The following ATXN7 variants were observed in gnomAD, a reference collection of about 807,000 sequenced individuals.
ATXN7 encodes the protein ataxin 7.
A neutral mutation model predicts 70.5 loss-of-function variants in ATXN7; 12 were observed. The ratio of observed to expected loss-of-function variants is 0.17; its 90% CI spans 0.11 to 0.28. ATXN7 has a LOEUF of 0.28. ATXN7 is among the 10% of genes least tolerant of loss of function. The pLI is 1.00. For synonymous variants in ATXN7, 498 were observed against 448.7 expected (o/e 1.11, Z -1.39); for missense variants, 1,256 against 1,131.7 (o/e 1.11, Z -1.58).
intron 2 of ATXN7, among the ~76,000 whole-genome samples, chr3:63,907,689 C>G (rs1258913660): frequency 6.6e-6 from 1 of 151,300 alleles, no homozygotes; most frequent in Non-Finnish European, 1.5e-5. Context: ...GTCTCCAACA[C>G]CTGAGCCTTG....
At chr3:63,979,820 T>C in intron 5 of ATXN7, 95 bp from the exon 6 acceptor site, 1 of 1,545,320 alleles carries the variant, frequency 6.5e-7, no homozygotes, top group Non-Finnish European at 8.8e-7. Flanking sequence ...ACACGTGTTT[T>C]AACCTGAATA....
chr3:63,906,593 T>C (rs1466871271), intron 2 of ATXN7, among the ~76,000 whole-genome samples: 1 of 152,206 alleles, frequency 6.6e-6, no homozygotes, highest in Non-Finnish European at 1.5e-5. Context: ...CATGAAGTCC[T>C]GTGATATAGA....
chr3:63,865,347 A>T (rs1702379006), intron 1 of ATXN7: 1 of 152,188 alleles, frequency 6.6e-6, no homozygotes, highest in African/African-American at 2.4e-5. Flanking sequence ...ATTACTTTAC[A>T]TGAAGATTCT....
At position 63,995,978 on chromosome 3, in the gene ATXN7, C is replaced by T. The variant is rs773907026; in HGVS notation, c.2156C>T (p.Ser719Phe). 6 of 1,613,734 alleles carry T rather than the reference C, an allele frequency of 3.7e-6. No individual in the cohort carries two copies. The highest frequency in any genetic ancestry group is 1.3e-5 in the African/African-American group (1 of 75,028). ...TCCCCACTGTTGGTTCACTCTTCCT[C>T]CTCCTCTTCCTCCTCCTCCTCTTCT... ...NSSPLLVHSSSSSSSSSSSSH... is the reference protein window; with the variant it reads ...NSSPLLVHSSFSSSSSSSSSH... The change falls in exon 12 of 13, where the codon TCC becomes TTC. Residue 719 changes from serine to phenylalanine, a missense_variant. Transcript: ENST00000674280.
At chr3:63,997,961 C>T (rs2075786439) in intron 12 of ATXN7, 3 of 985,190 alleles carry the variant, frequency 3.0e-6, no homozygotes, top group East Asian at 1.1e-4. Flanking sequence ...GAGAAGTGTG[C>T]TTTTCCTTCT....
At chr3:63,902,835 TTTC>T (rs1703695085) in intron 2 of ATXN7, among the ~76,000 whole-genome samples, 1 of 151,996 alleles carries the variant, frequency 6.6e-6, no homozygotes, top group Non-Finnish European at 1.5e-5. Context: ...TAGTTTAGAG[TTTC>T]TTCTTCAAAA....
intron 1 of ATXN7, chr3:63,878,593 A>C (rs1702816141): frequency 6.6e-6 from 1 of 152,254 alleles, no homozygotes; most frequent in Non-Finnish European, 1.5e-5. Flanking sequence ...ACAGAGTCCA[A>C]CTCAGATGGT....
At chr3:63,865,170 A>C (rs1488093624) in intron 1 of ATXN7, 1 of 152,222 alleles carries the variant, frequency 6.6e-6, no homozygotes, top group Non-Finnish European at 1.5e-5. Context: ...TCTTTCAAAG[A>C]GGAGAAGTTG....
In ATXN7 at chr3:63,997,532, C is replaced by G. The variant is rs918667649; in HGVS notation, c.2661+1049C>G. On this transcript the variant is annotated intron_variant, in intron 12 of 12. Coordinates refer to ENST00000674280, the MANE Select transcript of ATXN7 (RefSeq NM_001377405.1). ...TTTTGTCTCGTCCCAGCTCTTCTGC[C>G]TGTTACTGACCTCACCTGTAGCTGT... is the stretch of plus-strand genomic sequence containing the variant. 2.5e-5 allele frequency: 28 copies of G among 1,101,704 alleles called. No homozygotes were observed. The African/African-American group carries it at 4.4e-4, about 17-fold the overall frequency. The allele number at this position is 1,101,704 out of a possible 1,614,324, so 68.2% of individuals were successfully genotyped here.
At chr3:63,920,733 T>TA (rs545276109) in intron 4 of ATXN7, among the ~76,000 whole-genome samples, 16 of 152,182 alleles carry the variant, frequency 1.1e-4, no homozygotes, top group African/African-American at 3.1e-4. Flanking sequence ...ATGGGCTTTT[T>TA]AAAAAAAGAT....
At chr3:63,956,420 C>CA (rs1175948780) in intron 5 of ATXN7, among the ~76,000 whole-genome samples, 7,810 of 36,646 alleles carry the variant, frequency 0.21, 1,546 homozygotes, top group Non-Finnish European at 0.26. Context: ...GACTGCATCT[C>CA]AAAAAAAAAA....
upstream of ATXN7, chr3:63,863,798 G>T: frequency 1.0e-6 from 1 of 1,000,588 alleles, no homozygotes; most frequent in Non-Finnish European, 1.3e-6. Flanking sequence ...CATGGCGTGC[G>T]CGGCGGCGGC....
chr3:63,868,671 G>A (rs906219054), intron 1 of ATXN7, among the ~76,000 whole-genome samples: 12 of 152,144 alleles, frequency 7.9e-5, no homozygotes, highest in African/African-American at 2.9e-4. Context: ...ATGCTGCTGG[G>A]CAGGAAGAAA....
At chr3:63,987,083 C>G (rs41397645) in intron 8 of ATXN7, among the ~76,000 whole-genome samples, 4,773 of 152,284 alleles carry the variant, frequency 0.031, 241 homozygotes, top group African/African-American at 0.11. Context: ...AGTGATTGGA[C>G]TCAACTGCCA....
Position 63,990,766 on chromosome 3 carries a change from G to T in ATXN7, c.1589G>T (p.Gly530Val). 6.2e-7 allele frequency: 1 copy of T among 1,614,132 alleles called. No homozygotes were observed. The highest frequency in any genetic ancestry group is 1.1e-5 in the South Asian group (1 of 91,076). Residue 530 changes from glycine to valine, a missense_variant, in exon 11 of 13, where the codon GGA becomes GTA. Gly to Val is a moderately radical substitution (Grantham distance 109). Transcript: ENST00000674280. ...TGCACATTTGGGAGCCGGCAGATAG[G>T]AAGAGGCTATTACGTGTTTGACTCC... ...SFCTFGSRQI[G>V]RGYYVFDSRW...
intron 1 of ATXN7, among the ~76,000 whole-genome samples, chr3:63,884,451 A>C (rs1013913825): frequency 2.6e-5 from 4 of 152,156 alleles, no homozygotes; most frequent in Non-Finnish European, 4.4e-5. Context: ...TTAAAGGCTC[A>C]TATAAACATA....
chr3:63,983,399 T>G (rs1322245024), intron 8 of ATXN7, among the ~76,000 whole-genome samples: 1 of 152,188 alleles, frequency 6.6e-6, no homozygotes, highest in East Asian at 1.9e-4. Context: ...GTATGAACAT[T>G]TAAAAAATGT....
chr3:63,868,473 T>C (rs1702500222), intron 1 of ATXN7, among the ~76,000 whole-genome samples: 1 of 152,220 alleles, frequency 6.6e-6, no homozygotes, highest in Non-Finnish European at 1.5e-5. Flanking sequence ...TGAGGAAACA[T>C]GTATATTCAT....
chr3:63,924,484 G>A (rs977986975), intron 4 of ATXN7, among the ~76,000 whole-genome samples: 2 of 152,164 alleles, frequency 1.3e-5, no homozygotes, highest in Non-Finnish European at 2.9e-5. Flanking sequence ...CAAGGGCTGA[G>A]CCTTGGGTCC....
Sources: gnomAD v4.1 joint callset for allele counts (sites outside exome capture counted in the v4.1 genomes callset) on GRCh38, gnomAD v4.1.1 for gene constraint, MANE v1.5 for transcripts, NCBI Gene and HGNC (gene_info 2026-07-23, HGNC 2026-07-21) for gene names.